ADAMTS20: variants seen among roughly 807,000 people sequenced by gnomAD.
ADAMTS20 encodes the protein A disintegrin and metalloproteinase with thrombospondin motifs 20.
Under a neutral mutation model 260.1 loss-of-function variants are expected in ADAMTS20, and 225 were observed. The ratio of observed to expected loss-of-function variants is 0.87; its 90% CI spans 0.78 to 0.97. ADAMTS20 has a LOEUF of 0.97. ADAMTS20 is among the 50% of genes least tolerant of loss of function. The probability of loss-of-function intolerance (pLI) is 0.00; values close to 1 mark genes in which losing one functional copy is unlikely to be tolerated. For synonymous variants in ADAMTS20, 802 were observed against 769.5 expected (o/e 1.04, Z -0.70); for missense variants, 2,400 against 2,337.7 (o/e 1.03, Z -0.55).
In ADAMTS20 at chr12:43,520,610, G is replaced by A. The variant is rs1592108137; in HGVS notation, c.613+11426C>T. Among the ~76,000 whole-genome samples the A allele has an allele frequency of 3.9e-5, 6 of 152,218 alleles. 1 individual carries two copies. Among genetic ancestry groups the A allele is most frequent in the Admixed American group, 3.3e-4 (5 of 15,270 alleles). ...AGATTAATGCTTTTAGCAAGTAGAA[G>A]GTCATAAGTGATCTTTGAAAGAGTA... On this transcript the variant is annotated intron_variant, in intron 3 of 38. Coordinates refer to ENST00000389420, the MANE Select transcript of ADAMTS20 (RefSeq NM_025003.5).
intron 28 of ADAMTS20, among the ~76,000 whole-genome samples, chr12:43,412,521 G>A (rs1291162314): frequency 6.6e-6 from 1 of 152,096 alleles, no homozygotes; most frequent in Non-Finnish European, 1.5e-5. Context: ...ACTCTAACGG[G>A]TATCCTGTAG....
At chr12:43,461,243 G>A (rs1238031425) in intron 11 of ADAMTS20, among the ~76,000 whole-genome samples, 5 of 150,946 alleles carry the variant, frequency 3.3e-5, no homozygotes, top group African/African-American at 7.3e-5. Context: ...CGCCTGCCTC[G>A]GTCTCCCAAA....
rs751165012 is a variant in ADAMTS20, at chr12:43,464,705, G to A, written c.1395C>T (p.Asp465=). 4 of 1,613,072 alleles carry A rather than the reference G, an allele frequency of 2.5e-6. No individual in the cohort carries two copies. Among genetic ancestry groups the A allele is most frequent in the Non-Finnish European group, 3.4e-6 (4 of 1,179,342 alleles). ...GATTATATATTTCTTCATCTGGTTT[G>A]TCAAGAAGACATTCCCCGTAACCAG... ...LDTGYGECLL[D]KPDEEIYNLP... Residue 465 remains aspartate (D), a synonymous_variant, in exon 10 of 39, where the codon GAC becomes GAT. Transcript: ENST00000389420.
intron 3 of ADAMTS20, among the ~76,000 whole-genome samples, chr12:43,527,066 T>C (rs569096784): frequency 1.3e-5 from 2 of 152,292 alleles, no homozygotes; most frequent in East Asian, 3.9e-4. Context: ...AATACCTGTA[T>C]GCACACAAAC....
intron 37 of ADAMTS20, among the ~76,000 whole-genome samples, chr12:43,366,105 A>G (rs1163509702): frequency 6.6e-6 from 1 of 151,892 alleles, no homozygotes; most frequent in Admixed American, 6.6e-5. Flanking sequence ...TATAAGAGAC[A>G]TTCTTAAGAG....
intron 7 of ADAMTS20, among the ~76,000 whole-genome samples, chr12:43,472,094 T>A (rs1198524751): frequency 1.3e-5 from 2 of 149,760 alleles, no homozygotes; most frequent in African/African-American, 4.9e-5. Context: ...TTGAAAAAAA[T>A]TTAGAAGAAT....
At chr12:43,482,596 G>C (rs1340988230) in intron 7 of ADAMTS20, among the ~76,000 whole-genome samples, 1 of 152,154 alleles carries the variant, frequency 6.6e-6, no homozygotes, top group Non-Finnish European at 1.5e-5. Flanking sequence ...GCTGCCTTCT[G>C]CTTCCCACTG....
intron 7 of ADAMTS20, among the ~76,000 whole-genome samples, chr12:43,485,805 T>A (rs1419733100): frequency 6.6e-6 from 1 of 152,068 alleles, no homozygotes; most frequent in East Asian, 1.9e-4. Context: ...AATCAAGAAC[T>A]CAATCCCTTT....
At chr12:43,398,932 A>G (rs1940755064) in intron 29 of ADAMTS20, 134 bp downstream of exon 29, 2 of 481,076 alleles carry the variant, frequency 4.2e-6, no homozygotes, top group South Asian at 9.8e-5. Context: ...ATACTAACTT[A>G]CAGCATAGTG....
intron 3 of ADAMTS20, among the ~76,000 whole-genome samples, chr12:43,509,736 G>A (rs1942896791): frequency 6.6e-6 from 1 of 151,974 alleles, no homozygotes; most frequent in East Asian, 1.9e-4. Flanking sequence ...TTGCATTTGG[G>A]TTGTTATCCA....
At position 43,478,733 on chromosome 12, in the gene ADAMTS20, A is replaced by G. The variant is rs115330678; in HGVS notation, c.1118-10028T>C. Among the ~76,000 whole-genome samples, 757 of 152,362 alleles carry G rather than the reference A, an allele frequency of 5.0e-3. 5 individuals are homozygous for G. The highest frequency in any genetic ancestry group is 0.017 in the African/African-American group (724 of 41,594). On this transcript the variant is annotated intron_variant, in intron 7 of 38. Coordinates refer to ENST00000389420, the MANE Select transcript of ADAMTS20 (RefSeq NM_025003.5). ...TATATTCAAGATATTGAGAGAAAAT[A>G]ACTGTCAACCTAGAATTGGTAACTA... is the stretch of plus-strand genomic sequence containing the variant.
At chr12:43,413,555 ATAAG>A (rs1463154334) in intron 28 of ADAMTS20, among the ~76,000 whole-genome samples, 3 of 152,200 alleles carry the variant, frequency 2.0e-5, no homozygotes, top group Non-Finnish European at 2.9e-5. Flanking sequence ...CTTACTATTA[ATAAG>A]TATCACCTTA....
chr12:43,370,608 T>C (rs1940086412), intron 36 of ADAMTS20, among the ~76,000 whole-genome samples: 4 of 152,354 alleles, frequency 2.6e-5, no homozygotes, highest in Middle Eastern at 6.8e-3. Flanking sequence ...CACCTGACTC[T>C]GATGAGTTAC....
At position 43,482,943 on chromosome 12, in the gene ADAMTS20, A is replaced by G. The variant is rs188414916; in HGVS notation, c.1117+7452T>C. Among the ~76,000 whole-genome samples, 333 of 152,102 alleles carry G rather than the reference A, an allele frequency of 2.2e-3. 2 individuals carry two copies. The highest frequency in any genetic ancestry group is 3.8e-3 in the Non-Finnish European group (255 of 67,970). On this transcript the variant is annotated intron_variant, in intron 7 of 38. Coordinates refer to ENST00000389420, the MANE Select transcript of ADAMTS20 (RefSeq NM_025003.5). ...TCAGGAAGGAGAAAACCTTTGCACAACCTCAGCTGTCACCACTGCCTGCAT... is the reference window on the plus strand; with the variant it reads ...TCAGGAAGGAGAAAACCTTTGCACAGCCTCAGCTGTCACCACTGCCTGCAT...
chr12:43,431,565 A>G, intron 21 of ADAMTS20, 69 bp from the exon 22 acceptor site: 1 of 1,534,202 alleles, frequency 6.5e-7, no homozygotes, highest in South Asian at 1.1e-5. Context: ...AACTGATGCA[A>G]TGATCAATTT....
chr12:43,521,421 AC>A (rs1943070515), intron 3 of ADAMTS20, among the ~76,000 whole-genome samples: 1 of 152,216 alleles, frequency 6.6e-6, no homozygotes, highest in Non-Finnish European at 1.5e-5. Context: ...TAGATTACTC[AC>A]AAAAAAAATA....
In ADAMTS20 at chr12:43,427,437, A is replaced by G; in HGVS notation, c.3978T>C (p.His1326=). 1 of 1,613,442 alleles carries G rather than the reference A, an allele frequency of 6.2e-7. No individual in the cohort carries two copies. Among genetic ancestry groups the G allele is most frequent in the Admixed American group, 1.7e-5 (1 of 59,920 alleles). ...TTTCATCCTGGCAGACCACAGCCCT[A>G]TGCTGAAGACCTCCAGAACAACTGC... The part of the protein sequence containing the change: ...CSSSCSGGLQ[H]RAVVCQDENG... The change falls in exon 27 of 39, where the codon CAT becomes CAC. Residue 1326 remains histidine, a synonymous_variant. Transcript: ENST00000389420.
At chr12:43,376,736 G>T in intron 32 of ADAMTS20, 83 bp from the exon 33 acceptor site, 4 of 1,486,066 alleles carry the variant, frequency 2.7e-6, no homozygotes, top group Non-Finnish European at 3.6e-6. Context: ...CTTAGACCAG[G>T]TATTTCTGGA....
Position 43,551,203 on chromosome 12 carries a change from T to G in ADAMTS20, c.159A>C (p.Glu53Asp). 1.2e-6 allele frequency: 2 copies of G among 1,613,836 alleles called. No individual in the cohort carries two copies. Among genetic ancestry groups the G allele is most frequent in the Non-Finnish European group, 1.7e-6 (2 of 1,179,842 alleles). The change falls in exon 2 of 39, where the codon GAA (glutamate) becomes GAC (aspartate). Residue 53 changes from glutamate (E) to aspartate (D), a missense_variant. Glu to Asp is a conservative substitution (Grantham distance 45). Transcript: ENST00000389420. The surrounding 1 kb of genome is among the most constrained non-coding windows in gnomAD (Gnocchi z 4.6). ...VIPERVNEFG[E>D]VFPQSHHFSR... is the part of the protein sequence containing the mutation. Reference sequence around the variant, plus strand: ...TGAAGTGGTGGCTCTGAGGGAACACTTCTCCAAACTCATTGACCCGCTCGG... The same window carrying G: ...TGAAGTGGTGGCTCTGAGGGAACACGTCTCCAAACTCATTGACCCGCTCGG...
Sources: gnomAD v4.1 joint callset for allele counts (sites outside exome capture counted in the v4.1 genomes callset) on GRCh38, gnomAD v4.1.1 for gene constraint, Gnocchi (gnomAD v3.1) non-coding constraint, MANE v1.5 for transcripts, NCBI Gene and HGNC (gene_info 2026-07-23, HGNC 2026-07-21) for gene names.